Variants in REEP3 observed in about 807,000 individuals in gnomAD.
REEP3 encodes the protein receptor expression-enhancing protein 3.
Under a neutral mutation model 41.3 loss-of-function variants are expected in REEP3, and 20 were observed. The observed-to-expected ratio is 0.48, with a 90% CI of 0.34 to 0.70. The LOEUF (loss-of-function observed/expected upper bound fraction) is 0.70, where lower values mean the gene tolerates loss of function less well. REEP3 is among the 30% of genes least tolerant of loss of function. The pLI is 0.01. For synonymous variants in REEP3, 104 were observed against 101.8 expected (o/e 1.02, Z -0.13); for missense variants, 271 against 308.8 (o/e 0.88, Z 0.92).
At chr10:63,599,765 A>T (rs1178693065) in intron 5 of REEP3, 2 of 787,432 alleles carry the variant, frequency 2.5e-6, no homozygotes, top group Non-Finnish European at 3.1e-6. Flanking sequence ...AAAACTTGGT[A>T]CTTAGCCAGT....
chr10:63,583,055 A>G (rs1589875879), intron 2 of REEP3, among the ~76,000 whole-genome samples: 2 of 151,946 alleles, frequency 1.3e-5, no homozygotes, highest in Admixed American at 1.3e-4. Flanking sequence ...GCACGATCTC[A>G]GCTCACTGCA....
rs1956355160 is a variant in REEP3 at position 63,621,769 on chromosome 10, A to T, written c.*900A>T. The T allele has an allele frequency of 6.6e-6, 1 of 152,270 alleles. No homozygotes were observed. The highest frequency in any genetic ancestry group is 6.5e-5 in the Admixed American group (1 of 15,284). The allele number at this position is 152,270 out of a possible 1,614,324, so 9.4% of individuals were successfully genotyped here. A position where few individuals can be genotyped will look rare whatever the true frequency, so the allele number is the denominator to read the frequency against. ...CACCAATTACATTTTCAGCTTTTAA[A>T]AATGGTAGCTTTTGTGAAATAGAAT... On this transcript the variant is annotated 3_prime_UTR_variant, in exon 8 of 8. Transcript: ENST00000373758.
At chr10:63,619,574 A>T in intron 6 of REEP3, 81 bp from the exon 7 acceptor site, 1 of 1,242,726 alleles carries the variant, frequency 8.0e-7, no homozygotes, top group Non-Finnish European at 1.1e-6. Context: ...CCATACAAAG[A>T]ACTGTACACA....
intron 7 of REEP3, 142 bp from the exon 8 acceptor site, chr10:63,620,671 C>A: frequency 2.0e-6 from 1 of 496,754 alleles, no homozygotes; most frequent in Non-Finnish European, 3.5e-6. Context: ...ATAAGTAGTG[C>A]TGTCTTATAT....
intron 2 of REEP3, among the ~76,000 whole-genome samples, chr10:63,594,429 T>G (rs1956095005): frequency 6.6e-6 from 1 of 152,174 alleles, no homozygotes; most frequent in African/African-American, 2.4e-5. Context: ...AAGAAGCAAG[T>G]AGATAACGTC....
At chr10:63,551,174 G>T (rs895993361) in intron 1 of REEP3, among the ~76,000 whole-genome samples, 26 of 152,164 alleles carry the variant, frequency 1.7e-4, no homozygotes, top group African/African-American at 5.8e-4. Flanking sequence ...GCAGCATCTT[G>T]TAGTGCCAGA....
At chr10:63,521,632 G>T (rs1310446294) in intron 1 of REEP3, 55 bp downstream of exon 1, 84 of 1,297,228 alleles carry the variant, frequency 6.5e-5, no homozygotes, top group Non-Finnish European at 8.1e-5. Context: ...GGAGCTGTGG[G>T]AAGGGGAAGG....
At chr10:63,544,112 C>T (rs1955555592) in intron 1 of REEP3, among the ~76,000 whole-genome samples, 1 of 151,986 alleles carries the variant, frequency 6.6e-6, no homozygotes, top group Non-Finnish European at 1.5e-5. Context: ...TAAAAAGGCC[C>T]CAGTCAGAGA....
intron 2 of REEP3, among the ~76,000 whole-genome samples, chr10:63,576,893 C>G (rs1589873414): frequency 6.6e-6 from 1 of 152,250 alleles, no homozygotes; most frequent in East Asian, 1.9e-4. Context: ...TAGGGCTTCA[C>G]CCTGTGACCT....
chr10:63,605,134 T>C (rs910829319), intron 5 of REEP3, among the ~76,000 whole-genome samples: 1 of 152,228 alleles, frequency 6.6e-6, no homozygotes, highest in Non-Finnish European at 1.5e-5. Context: ...TCTAAAAGTA[T>C]GATGAGTCAG....
intron 2 of REEP3, among the ~76,000 whole-genome samples, chr10:63,592,864 C>A (rs1225365728): frequency 6.6e-6 from 1 of 151,966 alleles, no homozygotes; most frequent in African/African-American, 2.4e-5. Context: ...CTGCACTCCA[C>A]CCTGGGCGAC....
chr10:63,616,410 G>C (rs1270399556), intron 6 of REEP3, among the ~76,000 whole-genome samples: 1 of 152,150 alleles, frequency 6.6e-6, no homozygotes, highest in Non-Finnish European at 1.5e-5. Flanking sequence ...AGACAGCTGT[G>C]TCTTTTTCAT....
At chr10:63,577,537 C>T (rs778485546) in intron 2 of REEP3, among the ~76,000 whole-genome samples, 2 of 152,172 alleles carry the variant, frequency 1.3e-5, no homozygotes, top group Non-Finnish European at 2.9e-5. Context: ...GATCCTCCCT[C>T]CTTGGCCTCC....
intron 1 of REEP3, among the ~76,000 whole-genome samples, chr10:63,560,256 G>A (rs1245039807): frequency 6.6e-6 from 1 of 152,070 alleles, no homozygotes; most frequent in South Asian, 2.1e-4. Context: ...ATTAAAAACA[G>A]ATTAAATCCT....
At chr10:63,616,020 T>G (rs1956309593) in intron 6 of REEP3, among the ~76,000 whole-genome samples, 1 of 152,222 alleles carries the variant, frequency 6.6e-6, no homozygotes, top group African/African-American at 2.4e-5. Flanking sequence ...AGAAGAATAT[T>G]TTACAAAACC....
intron 5 of REEP3, among the ~76,000 whole-genome samples, chr10:63,608,706 C>CT (rs895915109): frequency 4.4e-4 from 67 of 151,228 alleles, no homozygotes; most frequent in African/African-American, 1.6e-3. Flanking sequence ...ATTTTTTTTT[C>CT]TTTTTTTGCT....
rs1465412190 is a variant in REEP3, at chr10:63,601,086, G to A, written c.417+1803G>A. On this transcript the variant is annotated intron_variant, in intron 5 of 7. Transcript: ENST00000373758. The stretch of plus-strand genomic sequence containing the variant: ...GGAGAATTGCTTGAACCCGGGAGGC[G>A]GAGGCTGCACTGAGCCAAGATCACA... Among the ~76,000 whole-genome samples the A allele has an allele frequency of 3.3e-5, 5 of 151,970 alleles. No homozygotes were observed. The East Asian group carries it at 5.8e-4, about 18-fold the overall frequency.
chr10:63,598,231 G>GTGCTGGGATTA, intron 4 of REEP3, 87 bp downstream of exon 4: 2 of 909,998 alleles, frequency 2.2e-6, no homozygotes, highest in Non-Finnish European at 3.2e-6. Context: ...TGTAATCCCA[G>GTGCTGGGATTA]CACTTTGGGA....
At chr10:63,608,173 G>A (rs1457074625) in intron 5 of REEP3, among the ~76,000 whole-genome samples, 1 of 152,214 alleles carries the variant, frequency 6.6e-6, no homozygotes, top group Admixed American at 6.5e-5. Context: ...TGTCTCTGGA[G>A]TCTTCTGTCA....
Sources: gnomAD v4.1 joint callset for allele counts (sites outside exome capture counted in the v4.1 genomes callset) on GRCh38, gnomAD v4.1.1 for gene constraint, MANE v1.5 for transcripts, NCBI Gene and HGNC (gene_info 2026-07-23, HGNC 2026-07-21) for gene names.